The following USP50 variants were observed in gnomAD, a reference collection of about 807,000 sequenced individuals.
The protein encoded by USP50 is ubiquitin specific peptidase 50, also known as ubiquitin carboxyl-terminal hydrolase 50.
USP50 carries 37 observed loss-of-function variants against 39.2 expected under a neutral mutation model. That is an observed-to-expected ratio of 0.94 (90% CI 0.73 to 1.24). The LOEUF (loss-of-function observed/expected upper bound fraction) is 1.24, where lower values mean the gene tolerates loss of function less well. USP50 is among the 50% of genes most tolerant of loss of function. The pLI is 0.00. For missense variants in USP50, 374 were observed against 398.2 expected, an observed-to-expected ratio of 0.94 and a Z score of 0.52; for synonymous variants, 139 against 144.5, an observed-to-expected ratio of 0.96 and a Z score of 0.27.
intron 4 of USP50, among the ~76,000 whole-genome samples, chr15:50,539,391 GTTT>G (rs55858194): frequency 7.3e-6 from 1 of 136,100 alleles, no homozygotes; most frequent in African/African-American, 2.7e-5. Context: ...TAACTTTTCT[GTTT>G]TTTTTTTTCA....
chr15:50,493,118 T>C (rs2052241739), downstream of USP50: 1 of 649,562 alleles, frequency 1.5e-6, no homozygotes, highest in Non-Finnish European at 2.8e-6. Flanking sequence ...TTTTGCTGCA[T>C]CCTCACAGGG....
At chr15:50,503,425 C>T (rs994479855) in intron 6 of USP50, 22 of 152,182 alleles carry the variant, frequency 1.4e-4, no homozygotes, top group African/African-American at 4.6e-4. Flanking sequence ...CCAGTATGCT[C>T]GGGTTTTAAA....
chr15:50,531,977 A>G (rs2141372481), intron 5 of USP50: 1 of 365,070 alleles, frequency 2.7e-6, no homozygotes, highest in African/African-American at 2.1e-5. Context: ...AAACTGGAAA[A>G]ACAGACCAGC....
chr15:50,529,172 T>G (rs1334601614), intron 6 of USP50, among the ~76,000 whole-genome samples: 1 of 151,984 alleles, frequency 6.6e-6, no homozygotes, highest in Admixed American at 6.6e-5. Context: ...ATGTACCTAC[T>G]CTTTTGGGGC....
At chr15:50,504,143 T>C (rs904031781) in intron 6 of USP50, 4 of 152,168 alleles carry the variant, frequency 2.6e-5, no homozygotes. Flanking sequence ...GTAACAACTA[T>C]TTACATAGTA....
At position 50,534,831 on chromosome 15, in the gene USP50, A is replaced by C. The variant is rs372440873; in HGVS notation, c.803+3878T>G. On this transcript the variant is annotated intron_variant, in intron 5 of 6. Transcript: ENST00000532404. ...TATTAACATATATGCACCTAACAAC[A>C]AAGGGTCAAAATACATGAGGAAAAA... Among the ~76,000 whole-genome samples, 16 of 152,230 alleles carry C rather than the reference A, an allele frequency of 1.1e-4. No individual in the cohort carries two copies. In the East Asian group the frequency reaches 1.7e-3, roughly 17 times the overall value.
At chr15:50,539,896 G>T (rs746664839) in intron 4 of USP50, among the ~76,000 whole-genome samples, 1 of 152,180 alleles carries the variant, frequency 6.6e-6, no homozygotes, top group African/African-American at 2.4e-5. Flanking sequence ...CAGCTCCTTG[G>T]TTCTGCAAAC....
At chr15:50,518,859 C>T (rs1184944404) in intron 6 of USP50, among the ~76,000 whole-genome samples, 4 of 152,132 alleles carry the variant, frequency 2.6e-5, no homozygotes, top group Non-Finnish European at 5.9e-5. Context: ...AAGCATTCAA[C>T]AGAATGAAGA....
intron 6 of USP50, among the ~76,000 whole-genome samples, chr15:50,525,735 G>GTATA (rs575809844): frequency 0.47 from 58,340 of 125,376 alleles, 15,035 homozygotes; most frequent in East Asian, 0.57. Context: ...ATATGTATAT[G>GTATA]TATATAATCT....
At chr15:50,495,892 C>A, downstream of USP50, 1 of 1,613,752 alleles carries the variant, frequency 6.2e-7, no homozygotes, top group Non-Finnish European at 8.5e-7. Flanking sequence ...ATGATCATCT[C>A]GATGACTTTA....
chr15:50,521,152 G>A (rs981011191), intron 6 of USP50, among the ~76,000 whole-genome samples: 6 of 151,906 alleles, frequency 3.9e-5, no homozygotes, highest in East Asian at 3.9e-4. Context: ...AGTGATACTC[G>A]TGCCTCAGCC....
intron 6 of USP50, among the ~76,000 whole-genome samples, chr15:50,523,658 T>C (rs1159834536): frequency 6.6e-6 from 1 of 152,200 alleles, no homozygotes; most frequent in Non-Finnish European, 1.5e-5. Flanking sequence ...TGGAAAGATA[T>C]CCTGTGTTCT....
chr15:50,545,271 C>G (rs2053062445), intron 1 of USP50, among the ~76,000 whole-genome samples: 1 of 151,702 alleles, frequency 6.6e-6, no homozygotes, highest in African/African-American at 2.4e-5. Flanking sequence ...AGGTAGTGAG[C>G]CTGGCACTAT....
chr15:50,517,516 T>C (rs997269030), intron 6 of USP50, among the ~76,000 whole-genome samples: 1 of 151,908 alleles, frequency 6.6e-6, no homozygotes, highest in Non-Finnish European at 1.5e-5. Context: ...TAGGTACTTT[T>C]CCAATCACAA....
chr15:50,493,461 G>T (rs771836229), downstream of USP50: 3 of 519,006 alleles, frequency 5.8e-6, no homozygotes, highest in South Asian at 1.4e-5. Flanking sequence ...TTATCCTTAG[G>T]AATAATGAAG....
chr15:50,494,172 T>C (rs1447050380), intron 1 of USP50: 2 of 1,613,622 alleles, frequency 1.2e-6, no homozygotes, highest in Non-Finnish European at 8.5e-7. Context: ...CAAAGGACTT[T>C]AAAATCACCA....
intron 6 of USP50, among the ~76,000 whole-genome samples, chr15:50,519,562 A>C (rs1182975320): frequency 1.3e-5 from 2 of 151,886 alleles, no homozygotes; most frequent in Non-Finnish European, 2.9e-5. Context: ...AAAATACAAA[A>C]AAATTAGGCG....
chr15:50,502,826 A>G (rs2052610540), intron 6 of USP50: 1 of 152,264 alleles, frequency 6.6e-6, no homozygotes, highest in Non-Finnish European at 1.5e-5. Context: ...GTTAATTCCA[A>G]CGTGAATTCG....
chr15:50,495,521 C>T (rs1012105324), intron 1 of USP50, among the ~76,000 whole-genome samples: 19 of 150,652 alleles, frequency 1.3e-4, no homozygotes, highest in South Asian at 6.2e-4. Flanking sequence ...AAGTTGGTCT[C>T]GAACTCCTGG....
Sources: gnomAD v4.1 joint callset for allele counts (sites outside exome capture counted in the v4.1 genomes callset) on GRCh38, gnomAD v4.1.1 for gene constraint, MANE v1.5 for transcripts, NCBI Gene and HGNC (gene_info 2026-07-23, HGNC 2026-07-21) for gene names.